Variants in ST8SIA4 observed in about 807,000 individuals in gnomAD.
ST8SIA4 encodes CMP-N-acetylneuraminate-poly-alpha-2,8-sialyltransferase.
A neutral mutation model predicts 33.9 loss-of-function variants in ST8SIA4; 15 were observed. The observed-to-expected ratio is 0.44, with a 90% CI of 0.30 to 0.68. The LOEUF is 0.68. Ranked by LOEUF, ST8SIA4 falls within the 30% of genes least tolerant of loss-of-function variation. The probability of loss-of-function intolerance (pLI) is 0.10; values close to 1 mark genes in which losing one functional copy is unlikely to be tolerated. For missense variants in ST8SIA4, 321 were observed against 428.0 expected (o/e 0.75, Z 2.21); for synonymous variants, 171 against 151.2 (o/e 1.13, Z -0.96).
intron 4 of ST8SIA4, chr5:100,816,569 G>A (rs764805207): frequency 2.0e-6 from 1 of 507,382 alleles, no homozygotes. Flanking sequence ...ACCTAATAAT[G>A]ATAGTTTTTT....
intron 3 of ST8SIA4, among the ~76,000 whole-genome samples, chr5:100,861,995 A>G (rs1191438005): frequency 6.6e-6 from 1 of 152,218 alleles, no homozygotes; most frequent in Non-Finnish European, 1.5e-5. Flanking sequence ...TTATGATAAT[A>G]AATCTTTTGA....
chr5:100,856,823 T>A (rs1751824301), intron 3 of ST8SIA4, among the ~76,000 whole-genome samples: 1 of 152,230 alleles, frequency 6.6e-6, no homozygotes. Flanking sequence ...GCACCACTTG[T>A]AAAGCTTAAG....
intron 3 of ST8SIA4, among the ~76,000 whole-genome samples, chr5:100,876,469 A>G (rs889632099): frequency 1.3e-5 from 2 of 152,068 alleles, no homozygotes; most frequent in African/African-American, 4.8e-5. Context: ...CAAGGACATT[A>G]TCTTTTTTTA....
At chr5:100,824,045 C>A (rs961270976) in intron 4 of ST8SIA4, among the ~76,000 whole-genome samples, 23 of 151,990 alleles carry the variant, frequency 1.5e-4, no homozygotes, top group African/African-American at 5.6e-4. Context: ...TGTTATTGTT[C>A]AAGAGGAATA....
intron 1 of ST8SIA4, 38 bp from the exon 2 acceptor site, chr5:100,895,823 G>C: frequency 1.9e-6 from 3 of 1,608,448 alleles, no homozygotes; most frequent in Non-Finnish European, 2.5e-6. Context: ...GTGAAAGTAA[G>C]AAACATTTTG....
intron 3 of ST8SIA4, among the ~76,000 whole-genome samples, chr5:100,864,761 A>G (rs1291082905): frequency 1.3e-5 from 2 of 152,118 alleles, no homozygotes. Context: ...ATTCAGTACA[A>G]AGCACATAGC....
At chr5:100,830,563 C>T (rs1184593028) in intron 4 of ST8SIA4, among the ~76,000 whole-genome samples, 11 of 152,152 alleles carry the variant, frequency 7.2e-5, no homozygotes, top group Non-Finnish European at 1.5e-4. Flanking sequence ...ATATTTTATT[C>T]TTCCGAATTC....
chr5:100,845,489 C>G (rs1751549132), intron 4 of ST8SIA4, among the ~76,000 whole-genome samples: 1 of 151,746 alleles, frequency 6.6e-6, no homozygotes, highest in Non-Finnish European at 1.5e-5. Flanking sequence ...TGCAAATTAA[C>G]TCAGTATATA....
chr5:100,880,254 A>T (rs1188677773), intron 3 of ST8SIA4, among the ~76,000 whole-genome samples: 1 of 152,208 alleles, frequency 6.6e-6, no homozygotes, highest in Admixed American at 6.5e-5. Context: ...TGCCTTGCAT[A>T]TTCTAGTTGT....
In ST8SIA4 at chr5:100,809,863, T is replaced by C. The variant is rs566133407; in HGVS notation, c.*1984A>G. 6.6e-5 allele frequency: 10 copies of C among 152,236 alleles called. No individual in the cohort carries two copies. The highest frequency in any genetic ancestry group is 4.1e-4 in the South Asian group (2 of 4,830). The allele number at this position is 152,236 out of a possible 1,614,324, so 9.4% of individuals were successfully genotyped here. On this transcript the variant is annotated 3_prime_UTR_variant, in exon 5 of 5. Transcript: ENST00000231461. Reference sequence around the variant, plus strand: ...ACACATACATTCTCAAAAGATGTAATATTCTATATCCCAAGGTTTTACTAT... The same window carrying C: ...ACACATACATTCTCAAAAGATGTAACATTCTATATCCCAAGGTTTTACTAT...
chr5:100,813,585 C>T (rs1294315294), intron 4 of ST8SIA4, among the ~76,000 whole-genome samples: 1 of 151,960 alleles, frequency 6.6e-6, no homozygotes, highest in Admixed American at 6.6e-5. Context: ...AACTCATACA[C>T]TATAAACACA....
intron 1 of ST8SIA4, among the ~76,000 whole-genome samples, chr5:100,899,366 A>C (rs1752848572): frequency 6.6e-6 from 1 of 152,194 alleles, no homozygotes; most frequent in African/African-American, 2.4e-5. Context: ...TGAAATGTGA[A>C]GTAAAGTGCA....
intron 1 of ST8SIA4, among the ~76,000 whole-genome samples, chr5:100,899,750 T>G (rs1223675104): frequency 6.6e-6 from 1 of 152,198 alleles, no homozygotes; most frequent in Non-Finnish European, 1.5e-5. Flanking sequence ...AGCCTTACAT[T>G]AACACATTTC....
intron 4 of ST8SIA4, among the ~76,000 whole-genome samples, chr5:100,824,803 G>A (rs1308055335): frequency 1.3e-5 from 2 of 151,384 alleles, no homozygotes; most frequent in African/African-American, 2.4e-5. Context: ...GCTCATGCCT[G>A]CAATCCCATC....
intron 3 of ST8SIA4, among the ~76,000 whole-genome samples, chr5:100,878,141 G>A (rs746494788): frequency 1.6e-4 from 24 of 151,980 alleles, no homozygotes; most frequent in African/African-American, 3.6e-4. Flanking sequence ...GAGGTCACAT[G>A]CCTCTTCACA....
At chr5:100,821,154 T>G (rs147688144) in intron 4 of ST8SIA4, among the ~76,000 whole-genome samples, 1 of 151,786 alleles carries the variant, frequency 6.6e-6, no homozygotes, top group East Asian at 1.9e-4. Flanking sequence ...TTTTTGAAAA[T>G]CAAAAACCAT....
intron 4 of ST8SIA4, among the ~76,000 whole-genome samples, chr5:100,834,970 C>T (rs1008874073): frequency 7.9e-5 from 12 of 151,966 alleles, no homozygotes; most frequent in South Asian, 4.1e-4. Flanking sequence ...CTAACACATC[C>T]GGCCTTCTTG....
chr5:100,889,818 G>T (rs1474397786), intron 2 of ST8SIA4, among the ~76,000 whole-genome samples: 1 of 151,852 alleles, frequency 6.6e-6, no homozygotes, highest in Non-Finnish European at 1.5e-5. Context: ...TTTTTCCAAT[G>T]TTGTTATAGG....
intron 3 of ST8SIA4, among the ~76,000 whole-genome samples, chr5:100,878,563 C>T (rs1174193788): frequency 1.3e-5 from 2 of 152,038 alleles, no homozygotes; most frequent in Non-Finnish European, 2.9e-5. Flanking sequence ...CTTGATACAA[C>T]CATCAACTAC....
Sources: allele counts gnomAD v4.1 joint callset (sites outside exome capture counted in the v4.1 genomes callset), GRCh38; gene constraint gnomAD v4.1.1; transcripts MANE v1.5; gene names NCBI Gene and HGNC (gene_info 2026-07-23, HGNC 2026-07-21).